Variants in CREB5 observed in about 807,000 individuals in gnomAD.
CREB5 encodes cAMP responsive element binding protein 5, also known as cyclic AMP-responsive element-binding protein 5.
A neutral mutation model predicts 57.1 loss-of-function variants in CREB5; 19 were observed. The observed-to-expected ratio is 0.33, with a 90% CI of 0.23 to 0.49. The LOEUF is 0.49. CREB5 is among the 20% of genes least tolerant of loss of function. The probability of loss-of-function intolerance (pLI) is 0.99; values close to 1 mark genes in which losing one functional copy is unlikely to be tolerated. For missense variants in CREB5, 579 were observed against 671.6 expected (o/e 0.86, Z 1.52); for synonymous variants, 238 against 238.3 (o/e 1.00, Z 0.01).
chr7:28,775,749 A>G (rs1806589193), intron 7 of CREB5, among the ~76,000 whole-genome samples: 3 of 151,958 alleles, frequency 2.0e-5, no homozygotes, highest in Admixed American at 2.0e-4. Flanking sequence ...CTCTTGGTGT[A>G]CATTTAAGGT....
At chr7:28,469,515 C>T (rs1272135685) in intron 1 of CREB5, among the ~76,000 whole-genome samples, 1 of 152,172 alleles carries the variant, frequency 6.6e-6, no homozygotes. Context: ...AACATAAGTT[C>T]ATACATGAAT....
intron 4 of CREB5, among the ~76,000 whole-genome samples, chr7:28,534,361 T>TC (rs982000206): frequency 4.0e-4 from 61 of 152,164 alleles, no homozygotes; most frequent in African/African-American, 1.4e-3. Flanking sequence ...CCCTGCGTCC[T>TC]CCCCCGCGAG....
At chr7:28,460,943 C>CT (rs563734713) in intron 1 of CREB5, among the ~76,000 whole-genome samples, 17 of 152,080 alleles carry the variant, frequency 1.1e-4, no homozygotes, top group Admixed American at 8.5e-4. Flanking sequence ...GCCTATAGTC[C>CT]TAGCTACTCA....
chr7:28,723,170 G>A (rs942822977), intron 6 of CREB5, among the ~76,000 whole-genome samples: 11 of 152,126 alleles, frequency 7.2e-5, no homozygotes, highest in African/African-American at 2.2e-4. Flanking sequence ...ATGGAAACAC[G>A]CTTGCATTGA....
In CREB5 at chr7:28,656,613, G is replaced by A. The variant is rs567885520; in HGVS notation, c.465-62140G>A. ...ACAAGGCTAATTGGCCACAGCCTTG[G>A]ATTTGCACTTTCAACAGTTGTCAGT... On this transcript the variant is annotated intron_variant, in intron 5 of 10. Coordinates refer to ENST00000357727, the MANE Select transcript of CREB5 (RefSeq NM_182898.4). Among the ~76,000 whole-genome samples the A allele has an allele frequency of 2.0e-5, 3 of 152,260 alleles. No individual in the cohort carries two copies. The East Asian group carries it at 5.8e-4, about 29-fold the overall frequency.
At chr7:28,455,839 G>A (rs1790072168) in intron 1 of CREB5, among the ~76,000 whole-genome samples, 1 of 152,228 alleles carries the variant, frequency 6.6e-6, no homozygotes, top group Non-Finnish European at 1.5e-5. Context: ...CAAGAGGGTT[G>A]GGTGAGAGGC....
At chr7:28,754,862 C>A (rs1194180594) in intron 7 of CREB5, among the ~76,000 whole-genome samples, 2 of 152,160 alleles carry the variant, frequency 1.3e-5, no homozygotes, top group Non-Finnish European at 2.9e-5. Context: ...GGGTACTACG[C>A]CTTTGCTTGT....
In CREB5 at chr7:28,532,149, AG is replaced by A. The variant is rs540366903; in HGVS notation, c.291+24414del. Among the ~76,000 whole-genome samples, 542 of 152,316 alleles carry A rather than the reference AG, an allele frequency of 3.6e-3. 2 individuals are homozygous for A. The highest frequency in any genetic ancestry group is 0.013 in the African/African-American group (524 of 41,574). On this transcript the variant is annotated intron_variant, in intron 4 of 10. Transcript: ENST00000357727. ...TTGGGGAAGCCAGAGCCATGCTATG[AG>A]GACACTCAAGCAGCCCTGTGGAGAG...
At chr7:28,679,677 C>T (rs1482267772) in intron 5 of CREB5, among the ~76,000 whole-genome samples, 6 of 152,180 alleles carry the variant, frequency 3.9e-5, no homozygotes, top group African/African-American at 1.4e-4. Context: ...GTTGTCTTCC[C>T]ACATTGCCTC....
At chr7:28,613,750 C>G (rs73081806) in intron 5 of CREB5, among the ~76,000 whole-genome samples, 10,088 of 152,182 alleles carry the variant, frequency 0.066, 451 homozygotes, top group Non-Finnish European at 0.099. Flanking sequence ...TTTGGGTCAT[C>G]AAATCTCAAT....
At chr7:28,321,349 T>C (rs749485167) in intron 1 of CREB5, among the ~76,000 whole-genome samples, 8 of 152,158 alleles carry the variant, frequency 5.3e-5, no homozygotes, top group Non-Finnish European at 8.8e-5. Flanking sequence ...GCTATATAAT[T>C]TGTCGAGCAC....
intron 5 of CREB5, among the ~76,000 whole-genome samples, chr7:28,627,487 G>A (rs1798045259): frequency 3.9e-5 from 6 of 151,974 alleles, no homozygotes; most frequent in Admixed American, 3.9e-4. Flanking sequence ...TTTTACATGA[G>A]GTCACGGTTG....
intron 1 of CREB5, among the ~76,000 whole-genome samples, chr7:28,467,021 C>A (rs1323873766): frequency 2.6e-5 from 4 of 152,184 alleles, no homozygotes; most frequent in African/African-American, 7.2e-5. Context: ...GGACAGGGGG[C>A]CAAGGGAAGA....
At chr7:28,313,498 T>C (rs1785318729) in intron 1 of CREB5, among the ~76,000 whole-genome samples, 1 of 152,214 alleles carries the variant, frequency 6.6e-6, no homozygotes, top group Non-Finnish European at 1.5e-5. Context: ...ATTGGCAGTC[T>C]GATACTATGG....
intron 1 of CREB5, among the ~76,000 whole-genome samples, chr7:28,301,350 C>G (rs1426953243): frequency 6.6e-6 from 1 of 152,182 alleles, no homozygotes; most frequent in African/African-American, 2.4e-5. Context: ...GAAATAATTC[C>G]TAAACTGAGG....
At chr7:28,406,994 A>G (rs1364729683) in intron 1 of CREB5, among the ~76,000 whole-genome samples, 1 of 151,608 alleles carries the variant, frequency 6.6e-6, no homozygotes, top group African/African-American at 2.4e-5. Flanking sequence ...ATAAAAAGAG[A>G]GTGAGTGCTT....
intron 3 of CREB5, among the ~76,000 whole-genome samples, chr7:28,500,425 G>A (rs1054986534): frequency 6.6e-6 from 1 of 152,120 alleles, no homozygotes; most frequent in Non-Finnish European, 1.5e-5. Flanking sequence ...AGGAAAGACT[G>A]GCTTCTTTAT....
At chr7:28,496,905 A>G (rs923781354) in intron 3 of CREB5, among the ~76,000 whole-genome samples, 1 of 152,180 alleles carries the variant, frequency 6.6e-6, no homozygotes, top group Admixed American at 6.5e-5. Context: ...ACAGCCTAGA[A>G]GGATTAGGAA....
chr7:28,352,041 A>G (rs1319712440), intron 1 of CREB5, among the ~76,000 whole-genome samples: 1 of 152,232 alleles, frequency 6.6e-6, no homozygotes, highest in East Asian at 1.9e-4. Flanking sequence ...CCAAATAGAC[A>G]TGATTTGAGG....
Sources: gnomAD v4.1 joint callset for allele counts (sites outside exome capture counted in the v4.1 genomes callset) on GRCh38, gnomAD v4.1.1 for gene constraint, MANE v1.5 for transcripts, NCBI Gene and HGNC (gene_info 2026-07-23, HGNC 2026-07-21) for gene names.